Variants in LIMS2 observed in about 807,000 individuals in gnomAD.
LIMS2 encodes LIM zinc finger domain containing 2, also known as LIM and senescent cell antigen-like-containing domain protein 2.
LIMS2 carries 30 observed loss-of-function variants against 45.3 expected under a neutral mutation model. The ratio of observed to expected loss-of-function variants is 0.66; its 90% CI spans 0.50 to 0.90. The LOEUF (loss-of-function observed/expected upper bound fraction) is 0.90. Among genes scored for constraint, LIMS2 ranks in the 40% least tolerant of loss-of-function variants. LIMS2 has a pLI of 0.00. For missense variants in LIMS2, 485 were observed against 468.7 expected (o/e 1.03, Z -0.32); for synonymous variants, 173 against 188.0 (o/e 0.92, Z 0.65).
Position 127,656,276 on chromosome 2 carries a change from G to A in LIMS2, c.171+1127C>T, listed in dbSNP as rs540907970. On this transcript the variant is annotated intron_variant, in intron 2 of 9. Coordinates refer to ENST00000355119, the MANE Select transcript of LIMS2 (RefSeq NM_001161403.3). Reference sequence around the variant, plus strand: ...AACGACTGCTCCTGTGAGCTGGTGGGGGCCCCTTCACTTTCATCTGGGTGA... The same window carrying A: ...AACGACTGCTCCTGTGAGCTGGTGGAGGCCCCTTCACTTTCATCTGGGTGA... 2.6e-4 allele frequency among the ~76,000 whole-genome samples: 39 copies of A among 152,144 alleles called. No individual in the cohort carries two copies. In the South Asian group the frequency reaches 4.6e-3, roughly 18 times the overall value.
rs754474123 is a variant in LIMS2, at chr2:127,639,282, C to A, written c.1025G>T (p.Ter342LeuextTer67). 1 of 1,613,268 alleles carries A rather than the reference C, an allele frequency of 6.2e-7. No homozygotes were observed. Among genetic ancestry groups the A allele is most frequent in the Non-Finnish European group, 8.5e-7 (1 of 1,179,674 alleles). ...QPKATDLNSA[*>L] ...AGAGGCAGCTGCGCAAGAGGGCCTT[C>A]AGGCAGAGTTGAGGTCTGTGGCCTT... The change falls in exon 10 of 10, where the codon TGA becomes TTA. Residue 342 changes from the stop codon to leucine (L), a stop_lost. Coordinates refer to ENST00000355119, the MANE Select transcript of LIMS2 (RefSeq NM_001161403.3).
intron 1 of LIMS2, among the ~76,000 whole-genome samples, chr2:127,663,945 G>A (rs896553807): frequency 1.3e-5 from 2 of 152,156 alleles, no homozygotes; most frequent in African/African-American, 4.8e-5. Context: ...TCACAGCATA[G>A]CCATGTTTGG....
At position 127,639,321 on chromosome 2, in the gene LIMS2, C is replaced by CG; in HGVS notation, c.985dup (p.Arg329ProfsTer92). On this transcript the variant is annotated frameshift_variant, in exon 10 of 10. Transcript: ENST00000355119. LOFTEE classifies it high-confidence loss of function. ...GTCTGTGGCCTTGGGCTGGGCCTTG[C>CG]GGGAGGTCAGCTCCGACAGCTTCTT... is the stretch of plus-strand genomic sequence containing the variant. 6.2e-7 allele frequency: 1 copy of CG among 1,613,862 alleles called. No homozygotes were observed. The highest frequency in any genetic ancestry group is 8.5e-7 in the Non-Finnish European group (1 of 1,179,904).
At chr2:127,669,443 GT>G (rs1685180733) in intron 1 of LIMS2, among the ~76,000 whole-genome samples, 1 of 152,218 alleles carries the variant, frequency 6.6e-6, no homozygotes, top group Non-Finnish European at 1.5e-5. Flanking sequence ...GCTGGGCACG[GT>G]GGCTCGTGCC....
At chr2:127,675,784 G>A (rs1558906057), upstream of LIMS2, among the ~76,000 whole-genome samples, 1 of 152,202 alleles carries the variant, frequency 6.6e-6, no homozygotes, top group Non-Finnish European at 1.5e-5. Flanking sequence ...GAGGCACCCG[G>A]GACCGCCGAG....
At chr2:127,654,279 T>A in intron 4 of LIMS2, 145 bp downstream of exon 4, 2 of 1,131,224 alleles carry the variant, frequency 1.8e-6, no homozygotes, top group Non-Finnish European at 2.6e-6. Flanking sequence ...CGGGGTGACC[T>A]GGAGGGAGGG....
rs1014667123 is a variant in LIMS2, at chr2:127,672,965, G to A, written c.11+2049C>T. On this transcript the variant is annotated intron_variant, in intron 1 of 9. Transcript: ENST00000355119. The surrounding 1 kb of genome is among the most constrained non-coding windows in gnomAD (Gnocchi z 4.9). ...CCGGGATCACATGGGAACAGTGGAC[G>A]TGGGGAAGGGCACCCAGCATGAAAC... Among the ~76,000 whole-genome samples, 10 of 152,258 alleles carry A rather than the reference G, an allele frequency of 6.6e-5. 1 individual carries two copies. Among genetic ancestry groups the A allele is most frequent in the Admixed American group, 2.6e-4 (4 of 15,288 alleles).
At chr2:127,668,694 AAAAAAAAAAAAAAAAAACAC>A (rs1175610840) in intron 1 of LIMS2, among the ~76,000 whole-genome samples, 3,128 of 134,322 alleles carry the variant, frequency 0.023, 165 homozygotes, top group African/African-American at 0.037. Flanking sequence ...AAAAAAAAAA[AAAAAAAAAAAAAAAAAACAC>A]CTTACTTAAA....
Position 127,639,071 on chromosome 2 carries a change from C to T in LIMS2, c.*210G>A. The T allele has an allele frequency of 1.7e-6, 1 of 585,502 alleles. No homozygotes were observed. Among genetic ancestry groups the T allele is most frequent in the Non-Finnish European group, 3.0e-6 (1 of 334,924 alleles). The allele number at this position is 585,502 out of a possible 1,614,324, so 36.3% of individuals were successfully genotyped here. Reference sequence around the variant, plus strand: ...GGTCATAGGCTCCCACTCCCCAGCTCCTGCCTCCTCACAGACAGAAGCCAC... The same window carrying T: ...GGTCATAGGCTCCCACTCCCCAGCTTCTGCCTCCTCACAGACAGAAGCCAC... On this transcript the variant is annotated 3_prime_UTR_variant, in exon 10 of 10. Transcript: ENST00000355119.
chr2:127,648,011 G>A, intron 4 of LIMS2: 2 of 985,636 alleles, frequency 2.0e-6, no homozygotes, highest in Non-Finnish European at 2.4e-6. Context: ...AGCCAAGCCT[G>A]TCTCCCTCTC....
intron 4 of LIMS2, 157 bp from the exon 5 acceptor site, chr2:127,643,229 A>G (rs1245418049): frequency 7.1e-6 from 5 of 705,434 alleles, no homozygotes; most frequent in Non-Finnish European, 1.2e-5. Context: ...GCCCTGTCAC[A>G]AGGCCCAGAA....
At position 127,674,805 on chromosome 2, in the gene LIMS2, C is replaced by G. The variant is rs1056574214; in HGVS notation, c.11+209G>C. 1.0e-5 allele frequency: 10 copies of G among 985,286 alleles called. No individual in the cohort carries two copies. In the African/African-American group the frequency reaches 1.7e-4, roughly 17 times the overall value. The allele number at this position is 985,286 out of a possible 1,614,324, so 61.0% of individuals were successfully genotyped here. A position where few individuals can be genotyped will look rare whatever the true frequency, so the allele number is the denominator to read the frequency against. On this transcript the variant is annotated intron_variant, in intron 1 of 9. Coordinates refer to ENST00000355119, the MANE Select transcript of LIMS2 (RefSeq NM_001161403.3). ...GGGTGGGCAGGAGCTCCACCTTCCG[C>G]TGCAGGCGCTCGCCCAGAGGAAGAG...
chr2:127,639,313 G>C lies in LIMS2; in HGVS notation c.994C>G (p.Gln332Glu), dbSNP rs1340547227. The change falls in exon 10 of 10, where the codon CAG (glutamine) becomes GAG (glutamate). Residue 332 changes from glutamine to glutamate, a missense_variant. Coordinates refer to ENST00000355119, the MANE Select transcript of LIMS2 (RefSeq NM_001161403.3). ...GAGTTGAGGTCTGTGGCCTTGGGCT[G>C]GGCCTTGCGGGAGGTCAGCTCCGAC... is the stretch of plus-strand genomic sequence containing the variant. ...KLSELTSRKA[Q>E]PKATDLNSA 5.0e-6 allele frequency: 8 copies of C among 1,613,774 alleles called. No individual in the cohort carries two copies. The highest frequency in any genetic ancestry group is 5.9e-6 in the Non-Finnish European group (7 of 1,179,924).
chr2:127,672,050 A>T lies in LIMS2; in HGVS notation c.11+2964T>A, dbSNP rs1224380038. ...GCTGTACTAAGCATGGGCTCAGCAC[A>T]CAATCAGGCATACGACAGCCTCACA... On this transcript the variant is annotated intron_variant, in intron 1 of 9. Coordinates refer to ENST00000355119, the MANE Select transcript of LIMS2 (RefSeq NM_001161403.3). The surrounding 1 kb of genome is among the most constrained non-coding windows in gnomAD (Gnocchi z 4.9). 1.3e-5 allele frequency among the ~76,000 whole-genome samples: 2 copies of T among 152,318 alleles called. No individual in the cohort carries two copies. The highest frequency in any genetic ancestry group is 4.8e-5 in the African/African-American group (2 of 41,576).
chr2:127,651,309 C>T (rs1203777689), intron 4 of LIMS2: 2 of 1,609,832 alleles, frequency 1.2e-6, no homozygotes, highest in Admixed American at 3.3e-5. Flanking sequence ...GGCCTCCCAC[C>T]ATGCCCTGGT....
chr2:127,651,267 A>T, intron 4 of LIMS2: 1 of 1,606,620 alleles, frequency 6.2e-7, no homozygotes, highest in Admixed American at 1.7e-5. Flanking sequence ...GACCAACCAC[A>T]CGGTGGTCTG....
intron 6 of LIMS2, chr2:127,641,240 CTCT>C (rs1682373520): frequency 4.5e-6 from 2 of 442,056 alleles, no homozygotes; most frequent in Non-Finnish European, 8.4e-6. Flanking sequence ...CCTACCCCTC[CTCT>C]AAGGCACTGA....
Position 127,657,527 on chromosome 2 carries a change from T to C in LIMS2, c.47A>G (p.Gln16Arg), listed in dbSNP as rs764263557. 4.3e-6 allele frequency: 7 copies of C among 1,611,484 alleles called. No individual in the cohort carries two copies. ...MSDALANAVC[Q>R]RCQARFSPAE... Reference sequence around the variant, plus strand: ...GGGGGAGAAGCGGGCCTGGCAGCGCTGGCACACGGCGTTGGCCAAGGCGTC... The same window carrying C: ...GGGGGAGAAGCGGGCCTGGCAGCGCCGGCACACGGCGTTGGCCAAGGCGTC... Residue 16 changes from glutamine (Q) to arginine (R), a missense_variant, in exon 2 of 10, where the codon CAG becomes CGG. Transcript: ENST00000355119.
In LIMS2 at chr2:127,639,331, G is replaced by C; in HGVS notation, c.976C>G (p.Leu326Val). The C allele has an allele frequency of 6.2e-7, 1 of 1,613,920 alleles. No homozygotes were observed. Among genetic ancestry groups the C allele is most frequent in the Middle Eastern group, 1.7e-4 (1 of 6,060 alleles). ...TTGGGCTGGGCCTTGCGGGAGGTCA[G>C]CTCCGACAGCTTCTTCAGCCGCTTC... The part of the protein sequence containing the change: ...LKKRLKKLSE[L>V]TSRKAQPKAT... The change falls in exon 10 of 10, where the codon CTG becomes GTG. Residue 326 changes from leucine to valine, a missense_variant. Physicochemically the swap from Leu to Val is conservative, Grantham distance 32. Coordinates refer to ENST00000355119, the MANE Select transcript of LIMS2 (RefSeq NM_001161403.3).
Sources: gnomAD v4.1 joint callset for allele counts (sites outside exome capture counted in the v4.1 genomes callset) on GRCh38, gnomAD v4.1.1 for gene constraint, Gnocchi (gnomAD v3.1) non-coding constraint, MANE v1.5 for transcripts, NCBI Gene and HGNC (gene_info 2026-07-23, HGNC 2026-07-21) for gene names.